Variants in ADD1 observed in about 807,000 individuals in gnomAD.
The protein encoded by ADD1 is alpha-adducin.
A neutral mutation model predicts 80.5 loss-of-function variants in ADD1; 24 were observed. The observed-to-expected ratio is 0.30, with a 90% CI of 0.22 to 0.42. ADD1 has a LOEUF of 0.42. ADD1 is among the 10% of genes least tolerant of loss of function. ADD1 has a pLI of 1.00. For missense variants in ADD1, 948 were observed against 1,019.0 expected, an observed-to-expected ratio of 0.93 and a Z score of 0.95; for synonymous variants, 373 against 393.8, an observed-to-expected ratio of 0.95 and a Z score of 0.63.
At chr4:2,844,164 C>T (rs925438758) in intron 1 of ADD1, 140 bp downstream of exon 1, 1 of 150,654 alleles carries the variant, frequency 6.6e-6, no homozygotes, top group Non-Finnish European at 1.5e-5. Context: ...GCGGGGAGGC[C>T]GCTGCGGCGC....
chr4:2,902,364 C>T (rs1019851850), intron 9 of ADD1: 1 of 152,164 alleles, frequency 6.6e-6, no homozygotes, highest in Non-Finnish European at 1.5e-5. Flanking sequence ...ACTGCCAGTA[C>T]ACACATTTAC....
chr4:2,903,747 G>A (rs1412620996), intron 9 of ADD1, among the ~76,000 whole-genome samples: 1 of 152,174 alleles, frequency 6.6e-6, no homozygotes, highest in Non-Finnish European at 1.5e-5. Flanking sequence ...GGGGCCTGGG[G>A]CCACTGTGAA....
chr4:2,877,012 A>C (rs1279219756), intron 2 of ADD1, among the ~76,000 whole-genome samples: 1 of 152,042 alleles, frequency 6.6e-6, no homozygotes, highest in East Asian at 1.9e-4. Flanking sequence ...AAAAAAAAAA[A>C]AAAAAAACCC....
At chr4:2,885,749 A>G (rs1403568483) in intron 4 of ADD1, among the ~76,000 whole-genome samples, 7 of 151,868 alleles carry the variant, frequency 4.6e-5, no homozygotes, top group African/African-American at 1.5e-4. Context: ...AGCTGGGACT[A>G]CAGGCGCCCG....
rs761727910 is a variant in ADD1 at position 2,908,500 on chromosome 4, C to T, written c.1609-15C>T. Reference sequence around the variant, plus strand: ...CTCAGGACTGTTGATGTGTGCCTCTCCTTCCCACCCTCAGATCCGAGAGCA... The same window carrying T: ...CTCAGGACTGTTGATGTGTGCCTCTTCTTCCCACCCTCAGATCCGAGAGCA... On this transcript the variant is annotated splice_polypyrimidine_tract_variant and intron_variant, in intron 11 of 15. Transcript: ENST00000683351. 3.7e-6 allele frequency: 6 copies of T among 1,612,056 alleles called. No individual in the cohort carries two copies. Among genetic ancestry groups the T allele is most frequent in the Middle Eastern group, 3.3e-4 (2 of 6,022 alleles).
At chr4:2,876,784 A>G (rs942354785) in intron 2 of ADD1, among the ~76,000 whole-genome samples, 2 of 151,786 alleles carry the variant, frequency 1.3e-5, no homozygotes, top group Non-Finnish European at 2.9e-5. Context: ...GCTTGCAGTA[A>G]GCCGAGATCA....
intron 6 of ADD1, among the ~76,000 whole-genome samples, chr4:2,897,806 GC>G (rs1220996782): frequency 6.6e-6 from 1 of 152,084 alleles, no homozygotes; most frequent in African/African-American, 2.4e-5. Context: ...ACAGGTGTGA[GC>G]CACCATACCT....
intron 1 of ADD1, among the ~76,000 whole-genome samples, chr4:2,847,271 A>C (rs1234136055): frequency 6.6e-6 from 1 of 151,580 alleles, no homozygotes; most frequent in African/African-American, 2.4e-5. Context: ...AAATACAAAA[A>C]TTAGCTGGGC....
intron 1 of ADD1, among the ~76,000 whole-genome samples, chr4:2,856,542 A>G (rs1367212855): frequency 8.2e-6 from 1 of 121,732 alleles, no homozygotes; most frequent in African/African-American, 3.1e-5. Context: ...ACTGTTCCCT[A>G]TTTATTATTT....
At chr4:2,864,338 G>A (rs1179542576) in intron 1 of ADD1, among the ~76,000 whole-genome samples, 2 of 152,108 alleles carry the variant, frequency 1.3e-5, no homozygotes, top group Non-Finnish European at 2.9e-5. Context: ...GCTTGAACCC[G>A]GGAGGCGGAG....
chr4:2,860,673 A>G (rs1459151198), intron 1 of ADD1, among the ~76,000 whole-genome samples: 3 of 152,222 alleles, frequency 2.0e-5, no homozygotes, highest in Non-Finnish European at 4.4e-5. Context: ...TGGGAGTTTT[A>G]TTATACTAGG....
chr4:2,855,598 A>T (rs143799047), intron 1 of ADD1, among the ~76,000 whole-genome samples: 13 of 151,342 alleles, frequency 8.6e-5, no homozygotes, highest in African/African-American at 2.7e-4. Context: ...TCAACTCTCA[A>T]GTTACATGCT....
chr4:2,866,858 C>G (rs893547343), intron 1 of ADD1, among the ~76,000 whole-genome samples: 2 of 152,062 alleles, frequency 1.3e-5, no homozygotes, highest in African/African-American at 4.8e-5. Flanking sequence ...ATTGCTTGAG[C>G]CCAGGAGTTC....
At chr4:2,908,926 A>AG in intron 12 of ADD1, 1 of 450,172 alleles carries the variant, frequency 2.2e-6, no homozygotes, top group Non-Finnish European at 4.1e-6. Context: ...GCGCTAGGAG[A>AG]GGGTGGGTTT....
intron 1 of ADD1, among the ~76,000 whole-genome samples, chr4:2,845,131 G>A (rs1300457852): frequency 6.6e-6 from 1 of 151,988 alleles, no homozygotes; most frequent in African/African-American, 2.4e-5. Context: ...GGAGTACAGT[G>A]GCGCGATCTC....
chr4:2,849,564 G>GCCA (rs1726755893), intron 1 of ADD1, among the ~76,000 whole-genome samples: 1 of 152,192 alleles, frequency 6.6e-6, no homozygotes, highest in African/African-American at 2.4e-5. Flanking sequence ...AGCTGTGGCT[G>GCCA]TTTGCATGGG....
Position 2,926,306 on chromosome 4 carries a change from G to A in ADD1, c.2047+194G>A. ...CCAGGCAAAACAGATTTGTATGTGA[G>A]CTGTGACCAGGTAGGAAGGCCGGCC... On this transcript the variant is annotated intron_variant, in intron 15 of 15. Coordinates refer to ENST00000683351, the MANE Select transcript of ADD1 (RefSeq NM_001354761.2). This position sits in a 1 kb window ranked among gnomAD's most constrained non-coding sequence, Gnocchi z 5.0. 1.4e-6 allele frequency: 1 copy of A among 721,042 alleles called. No individual in the cohort carries two copies. Among genetic ancestry groups the A allele is most frequent in the Non-Finnish European group, 2.5e-6 (1 of 399,808 alleles). 44.7% of individuals were successfully genotyped at this position (721,042 alleles called of 1,614,324 possible). A position where few individuals can be genotyped will look rare whatever the true frequency, so the allele number is the denominator to read the frequency against.
chr4:2,921,430 A>G (rs1321427933), intron 14 of ADD1, among the ~76,000 whole-genome samples: 4 of 152,148 alleles, frequency 2.6e-5, no homozygotes, highest in Non-Finnish European at 4.4e-5. Context: ...ACCCGGCCGA[A>G]AATTCTTTTC....
intron 14 of ADD1, among the ~76,000 whole-genome samples, chr4:2,922,579 C>T (rs1263023153): frequency 6.6e-6 from 1 of 152,232 alleles, no homozygotes; most frequent in Non-Finnish European, 1.5e-5. Context: ...CTGTTGACCC[C>T]TGCCGGGAGG....
Sources: gnomAD v4.1 joint callset for allele counts (sites outside exome capture counted in the v4.1 genomes callset) on GRCh38, gnomAD v4.1.1 for gene constraint, Gnocchi (gnomAD v3.1) non-coding constraint, MANE v1.5 for transcripts, NCBI Gene and HGNC (gene_info 2026-07-23, HGNC 2026-07-21) for gene names.